The following RBFOX1 variants were observed in gnomAD, a reference collection of about 807,000 sequenced individuals.
RBFOX1 encodes RNA binding protein fox-1 homolog 1.
Under a neutral mutation model 57.7 loss-of-function variants are expected in RBFOX1, and 8 were observed. The ratio of observed to expected loss-of-function variants is 0.14; its 90% confidence interval spans 0.08 to 0.25. RBFOX1 has a LOEUF of 0.25. RBFOX1 is among the 10% of genes least tolerant of loss of function. The pLI is 1.00. For synonymous variants in RBFOX1, 326 were observed against 222.4 expected (o/e 1.47, Z -4.15); for missense variants, 611 against 548.5 (o/e 1.11, Z -1.14).
intron 3 of RBFOX1, among the ~76,000 whole-genome samples, chr16:5,696,173 A>T (rs890987357): frequency 1.3e-5 from 2 of 152,158 alleles, no homozygotes; most frequent in African/African-American, 2.4e-5. Context: ...AGAATTTGTA[A>T]ATATTTTAAA....
At chr16:6,618,653 C>A (rs547960923) in intron 2 of RBFOX1, among the ~76,000 whole-genome samples, 1 of 152,284 alleles carries the variant, frequency 6.6e-6, no homozygotes, top group African/African-American at 2.4e-5. Context: ...CGTGAGAGAA[C>A]TGGCTTTCAA....
chr16:7,323,384 A>T (rs147350626), intron 4 of RBFOX1, among the ~76,000 whole-genome samples: 5,024 of 152,300 alleles, frequency 0.033, 290 homozygotes, highest in African/African-American at 0.12. Flanking sequence ...TGATCATGCC[A>T]CTGCCTTCCA....
intron 1 of RBFOX1, among the ~76,000 whole-genome samples, chr16:6,202,570 GTTTC>G (rs2097221976): frequency 6.6e-6 from 1 of 151,822 alleles, no homozygotes; most frequent in Non-Finnish European, 1.5e-5. Context: ...TGTTGGGTCA[GTTTC>G]TTTCTTTTAT....
chr16:5,911,786 G>C (rs1396880699), intron 4 of RBFOX1, among the ~76,000 whole-genome samples: 1 of 152,122 alleles, frequency 6.6e-6, no homozygotes, highest in East Asian at 1.9e-4. Context: ...TGCATATGGT[G>C]GGAGGGGAAG....
intron 1 of RBFOX1, among the ~76,000 whole-genome samples, chr16:6,138,828 C>T (rs573156145): frequency 2.0e-5 from 3 of 152,178 alleles, no homozygotes; most frequent in Non-Finnish European, 4.4e-5. Flanking sequence ...GATTGCGCCG[C>T]TGCACTCCAG....
rs560096938 is a variant in RBFOX1 at position 6,814,954 on chromosome 16, G to C, written c.-16+160304G>C. 3.3e-5 allele frequency among the ~76,000 whole-genome samples: 5 copies of C among 152,244 alleles called. No individual in the cohort carries two copies. In the East Asian group the frequency reaches 9.7e-4, roughly 29 times the overall value. ...TAAGAAAATACAGGAATAAAAGAAT[G>C]GCTGTTCTACAGGCAGAGCAGTGGT... On this transcript the variant is annotated intron_variant, in intron 3 of 15. Coordinates refer to ENST00000550418, the MANE Select transcript of RBFOX1 (RefSeq NM_018723.4).
intron 2 of RBFOX1, among the ~76,000 whole-genome samples, chr16:5,579,385 C>A (rs1234000092): frequency 6.6e-6 from 1 of 152,126 alleles, no homozygotes; most frequent in East Asian, 1.9e-4. Context: ...CTATGTGCCT[C>A]CCCCAGCATC....
intron 4 of RBFOX1, among the ~76,000 whole-genome samples, chr16:7,489,600 C>T (rs183446543): frequency 6.6e-6 from 1 of 152,032 alleles, no homozygotes; most frequent in South Asian, 2.1e-4. Context: ...ACTGCAGCCT[C>T]GAACTCCCGG....
chr16:6,164,427 A>C (rs748343622), intron 1 of RBFOX1, among the ~76,000 whole-genome samples: 2 of 151,650 alleles, frequency 1.3e-5, no homozygotes, highest in Non-Finnish European at 2.9e-5. Context: ...ATTAGTTAGA[A>C]GTGATGTTTT....
At chr16:5,855,986 T>A (rs1455837690) in intron 3 of RBFOX1, among the ~76,000 whole-genome samples, 2 of 146,948 alleles carry the variant, frequency 1.4e-5, no homozygotes, top group South Asian at 4.3e-4. Context: ...CTTTTTTTTT[T>A]TTTTTTTTTT....
In RBFOX1 at chr16:7,693,205, A is replaced by G; in HGVS notation, c.996-15851A>G. 6 of 833,436 alleles carry G rather than the reference A, an allele frequency of 7.2e-6. No individual in the cohort carries two copies. The South Asian group carries it at 9.1e-5, about 13-fold the overall frequency. 51.6% of individuals were successfully genotyped at this position (833,436 alleles called of 1,614,324 possible). On this transcript the variant is annotated intron_variant, in intron 14 of 15. Transcript: ENST00000550418. Reference sequence around the variant, plus strand: ...ATCAGCACATTTCCTCGCAACATCCATTCACACGCAGCACCCTTCCCTCCC... The same window carrying G: ...ATCAGCACATTTCCTCGCAACATCCGTTCACACGCAGCACCCTTCCCTCCC...
chr16:6,871,464 G>A (rs913925983), intron 3 of RBFOX1, among the ~76,000 whole-genome samples: 1 of 152,072 alleles, frequency 6.6e-6, no homozygotes, highest in Non-Finnish European at 1.5e-5. Flanking sequence ...GGGATTACAG[G>A]TGTGAGCCAC....
At chr16:6,943,754 C>G (rs1405646584) in intron 3 of RBFOX1, among the ~76,000 whole-genome samples, 1 of 151,418 alleles carries the variant, frequency 6.6e-6, no homozygotes, top group Non-Finnish European at 1.5e-5. Flanking sequence ...ATAGCTGAGT[C>G]TTGGCCAATC....
intron 4 of RBFOX1, among the ~76,000 whole-genome samples, chr16:7,244,410 C>G (rs1483171116): frequency 6.6e-6 from 1 of 152,160 alleles, no homozygotes; most frequent in Non-Finnish European, 1.5e-5. Flanking sequence ...CTGAGCCAGC[C>G]ATTTCAGCAC....
chr16:7,034,848 CTTTTTTT>C (rs58405378), intron 3 of RBFOX1, among the ~76,000 whole-genome samples: 3 of 30,828 alleles, frequency 9.7e-5, no homozygotes, highest in African/African-American at 1.7e-4. Context: ...TTTCTTTTTT[CTTTTTTT>C]TTTTTTTTTT....
chr16:6,752,453 G>C (rs1271942164), intron 3 of RBFOX1, among the ~76,000 whole-genome samples: 1 of 152,172 alleles, frequency 6.6e-6, no homozygotes, highest in Non-Finnish European at 1.5e-5. Context: ...GTAGAATTTA[G>C]AGATGGAATA....
chr16:7,677,165 C>G (rs1412997538), intron 14 of RBFOX1, among the ~76,000 whole-genome samples: 1 of 53,320 alleles, frequency 1.9e-5, no homozygotes, highest in Non-Finnish European at 5.5e-5. Context: ...ACACACCGTA[C>G]AACCTTCTTA....
chr16:7,061,645 T>C (rs2054317815), intron 4 of RBFOX1, among the ~76,000 whole-genome samples: 1 of 152,228 alleles, frequency 6.6e-6, no homozygotes, highest in African/African-American at 2.4e-5. Flanking sequence ...ATTTAGCCTA[T>C]TATCCCCAGT....
At chr16:6,806,817 A>AATATATAAATATATATAT (rs1366370826) in intron 3 of RBFOX1, among the ~76,000 whole-genome samples, 3 of 85,124 alleles carry the variant, frequency 3.5e-5, no homozygotes, top group African/African-American at 1.3e-4. Flanking sequence ...TAAATATATA[A>AATATATAAATATATATAT]ATATATATAT....
Sources: allele counts gnomAD v4.1 joint callset (sites outside exome capture counted in the v4.1 genomes callset), GRCh38; gene constraint gnomAD v4.1.1; transcripts MANE v1.5; gene names NCBI Gene and HGNC (gene_info 2026-07-23, HGNC 2026-07-21).